Variants in TMEM132C observed in about 807,000 individuals in gnomAD.
The protein encoded by TMEM132C is transmembrane protein 132C.
In TMEM132C, 29 loss-of-function variants were observed where a neutral mutation model predicts 61.4. The ratio of observed to expected loss-of-function variants is 0.47; its 90% CI spans 0.35 to 0.64. The LOEUF is 0.64. Among genes scored for constraint, TMEM132C ranks in the 30% least tolerant of loss-of-function variants. TMEM132C has a pLI of 0.00. For missense variants in TMEM132C, 1,408 were observed against 1,476.9 expected (o/e 0.95, Z 0.76); for synonymous variants, 656 against 633.1 (o/e 1.04, Z -0.54).
chr12:128,644,690 A>C (rs1954182628), intron 4 of TMEM132C, among the ~76,000 whole-genome samples: 1 of 152,182 alleles, frequency 6.6e-6, no homozygotes, highest in Admixed American at 6.5e-5. Context: ...CAATTGTATA[A>C]AATTACTAAA....
At chr12:128,474,600 G>T (rs1871095509) in intron 2 of TMEM132C, among the ~76,000 whole-genome samples, 1 of 152,190 alleles carries the variant, frequency 6.6e-6, no homozygotes, top group Non-Finnish European at 1.5e-5. Context: ...CAGAGGTAAT[G>T]TTTTGATATT....
intron 1 of TMEM132C, among the ~76,000 whole-genome samples, chr12:128,315,057 G>T (rs1046780893): frequency 6.6e-6 from 1 of 152,178 alleles, no homozygotes; most frequent in Non-Finnish European, 1.5e-5. Context: ...GGCAGGTTGC[G>T]ATGGGAAGTC....
At chr12:128,322,604 C>A (rs551876613) in intron 1 of TMEM132C, among the ~76,000 whole-genome samples, 1 of 152,190 alleles carries the variant, frequency 6.6e-6, no homozygotes, top group Non-Finnish European at 1.5e-5. Context: ...TTCGCACGCC[C>A]GTCACTCCTA....
intron 2 of TMEM132C, among the ~76,000 whole-genome samples, chr12:128,500,495 A>G (rs987488077): frequency 5.9e-5 from 9 of 152,200 alleles, no homozygotes; most frequent in African/African-American, 2.2e-4. Flanking sequence ...CATCTCAATG[A>G]CAAAAAGTCA....
At chr12:128,615,017 GA>G (rs1007287914) in intron 3 of TMEM132C, among the ~76,000 whole-genome samples, 2 of 152,222 alleles carry the variant, frequency 1.3e-5, no homozygotes, top group African/African-American at 4.8e-5. Flanking sequence ...GTGCTCACCA[GA>G]AAACCCCAAC....
chr12:128,638,826 G>A (rs1202400482), intron 4 of TMEM132C, among the ~76,000 whole-genome samples: 1 of 151,912 alleles, frequency 6.6e-6, no homozygotes, highest in Non-Finnish European at 1.5e-5. Context: ...TGATGGTAAT[G>A]ATGGTAGTGA....
intron 2 of TMEM132C, among the ~76,000 whole-genome samples, chr12:128,436,395 C>A (rs1241251223): frequency 5.3e-5 from 8 of 152,078 alleles, no homozygotes; most frequent in African/African-American, 1.7e-4. Flanking sequence ...TTTGCAATCT[C>A]CCCATCTGAC....
At chr12:128,489,188 A>T (rs1455938145) in intron 2 of TMEM132C, among the ~76,000 whole-genome samples, 1 of 151,920 alleles carries the variant, frequency 6.6e-6, no homozygotes, top group Non-Finnish European at 1.5e-5. Context: ...CCCAGTCAGT[A>T]CTGATGGGGG....
chr12:128,383,707 T>A (rs1485624620), intron 1 of TMEM132C, among the ~76,000 whole-genome samples: 3 of 151,726 alleles, frequency 2.0e-5, no homozygotes, highest in African/African-American at 7.3e-5. Flanking sequence ...CTTGAATGAG[T>A]TTTTCCAGGC....
intron 4 of TMEM132C, among the ~76,000 whole-genome samples, chr12:128,627,577 A>G (rs1192200781): frequency 6.6e-6 from 1 of 152,166 alleles, no homozygotes; most frequent in African/African-American, 2.4e-5. Context: ...CTAGGGAAAC[A>G]GCAACGAGCA....
At chr12:128,377,206 C>T (rs1874219994) in intron 1 of TMEM132C, among the ~76,000 whole-genome samples, 1 of 152,158 alleles carries the variant, frequency 6.6e-6, no homozygotes, top group Non-Finnish European at 1.5e-5. Context: ...AGGCATGCAG[C>T]ACCACGCCCA....
At chr12:128,554,606 T>C (rs1031276502) in intron 3 of TMEM132C, among the ~76,000 whole-genome samples, 11 of 152,334 alleles carry the variant, frequency 7.2e-5, no homozygotes, top group African/African-American at 2.6e-4. Context: ...GGAGGTTGAT[T>C]GCCTGTATTG....
intron 3 of TMEM132C, among the ~76,000 whole-genome samples, chr12:128,561,011 C>T (rs774209324): frequency 1.3e-5 from 2 of 152,168 alleles, no homozygotes; most frequent in East Asian, 1.9e-4. Context: ...ATGATGGAGC[C>T]GCAAGGTTTT....
intron 2 of TMEM132C, among the ~76,000 whole-genome samples, chr12:128,502,354 G>A (rs569598970): frequency 5.3e-5 from 8 of 152,364 alleles, no homozygotes; most frequent in African/African-American, 1.7e-4. Flanking sequence ...CCATGGAGAC[G>A]TCAGGAAGAG....
intron 1 of TMEM132C, among the ~76,000 whole-genome samples, chr12:128,320,650 T>C (rs1162750309): frequency 2.0e-5 from 3 of 151,806 alleles, no homozygotes; most frequent in Admixed American, 2.0e-4. Context: ...ATGCCTTTAG[T>C]TCCAGCTAGC....
chr12:128,686,726 GT>G (rs545933639), intron 5 of TMEM132C, among the ~76,000 whole-genome samples: 262 of 152,194 alleles, frequency 1.7e-3, no homozygotes, highest in African/African-American at 6.0e-3. Context: ...TAGGTCCCAG[GT>G]ATACAACAGT....
Position 128,630,900 on chromosome 12 carries a change from T to C in TMEM132C, c.1305+14565T>C, listed in dbSNP as rs11833977. ...TACAAAAATTAGTCGGGCATGGTGG[T>C]ATGTGCCTGTATTCCCAGCTACTCA... On this transcript the variant is annotated intron_variant, in intron 4 of 8. Transcript: ENST00000435159. This position sits in a 1 kb window ranked among gnomAD's most constrained non-coding sequence, Gnocchi z 4.3. Among the ~76,000 whole-genome samples the C allele has an allele frequency of 0.048, 7,345 of 152,072 alleles. 570 individuals are homozygous for C. Among genetic ancestry groups the C allele is most frequent in the African/African-American group, 0.16 (6,817 of 41,460 alleles).
chr12:128,645,122 C>T (rs893440153), intron 4 of TMEM132C, among the ~76,000 whole-genome samples: 1 of 152,164 alleles, frequency 6.6e-6, no homozygotes, highest in African/African-American at 2.4e-5. Flanking sequence ...AGGGGGGACT[C>T]CTGGCCGCAC....
In TMEM132C at chr12:128,698,658, C is replaced by CT. The variant is rs564450763; in HGVS notation, c.2121+1244dup. On this transcript the variant is annotated intron_variant, in intron 8 of 8. Coordinates refer to ENST00000435159, the MANE Select transcript of TMEM132C (RefSeq NM_001136103.3). Reference sequence around the variant, plus strand: ...GGAATGGCTGCTGTTATTATGATCACTATTTTAGTGAAAGCACACAGAGCC... The same window carrying CT: ...GGAATGGCTGCTGTTATTATGATCACTTATTTTAGTGAAAGCACACAGAGCC... 1.3e-3 allele frequency among the ~76,000 whole-genome samples: 191 copies of CT among 152,364 alleles called. 2 individuals are homozygous for CT. Among genetic ancestry groups the CT allele is most frequent in the African/African-American group, 4.4e-3 (183 of 41,586 alleles).
Sources: gnomAD v4.1 joint callset for allele counts (sites outside exome capture counted in the v4.1 genomes callset) on GRCh38, gnomAD v4.1.1 for gene constraint, Gnocchi (gnomAD v3.1) non-coding constraint, MANE v1.5 for transcripts, NCBI Gene and HGNC (gene_info 2026-07-23, HGNC 2026-07-21) for gene names.